The following MECOM variants were observed in gnomAD, a reference collection of about 807,000 sequenced individuals.
The protein encoded by MECOM is histone-lysine N-methyltransferase MECOM.
Under a neutral mutation model 116.3 loss-of-function variants are expected in MECOM, and 13 were observed. That is an observed-to-expected ratio of 0.11 (90% CI 0.07 to 0.18). MECOM has a LOEUF of 0.18. Among genes scored for constraint, MECOM ranks in the 10% least tolerant of loss-of-function variants. The pLI is 1.00. For synonymous variants in MECOM, 528 were observed against 535.2 expected (o/e 0.99, Z 0.19); for missense variants, 1,299 against 1,509.0 (o/e 0.86, Z 2.31).
intron 1 of MECOM, among the ~76,000 whole-genome samples, chr3:169,483,454 CCTT>C (rs1751681702): frequency 7.1e-6 from 1 of 140,436 alleles, no homozygotes; most frequent in Non-Finnish European, 1.5e-5. Context: ...GTCACCCTCT[CCTT>C]CTACTCTGGT....
At chr3:169,612,494 T>C (rs1769411882) in intron 1 of MECOM, among the ~76,000 whole-genome samples, 1 of 152,200 alleles carries the variant, frequency 6.6e-6, no homozygotes, top group African/African-American at 2.4e-5. Flanking sequence ...TTTTTCTTTT[T>C]AACTTAAGGG....
At chr3:169,130,378 G>A (rs991133392) in intron 4 of MECOM, among the ~76,000 whole-genome samples, 3 of 152,072 alleles carry the variant, frequency 2.0e-5, no homozygotes, top group African/African-American at 7.2e-5. Flanking sequence ...ACTCTACCAG[G>A]CTAATTGGGA....
intron 2 of MECOM, among the ~76,000 whole-genome samples, chr3:169,250,814 T>G (rs2149583227): frequency 6.6e-6 from 1 of 152,360 alleles, no homozygotes; most frequent in East Asian, 1.9e-4. Context: ...TACATATCTG[T>G]ACAAAGATTA....
At position 169,276,164 on chromosome 3, in the gene MECOM, T is replaced by G. The variant is rs546521545; in HGVS notation, c.375+105023A>C. On this transcript the variant is annotated intron_variant, in intron 2 of 16. Coordinates refer to ENST00000651503, the MANE Select transcript of MECOM (RefSeq NM_004991.4). ...GAAAGTGGGGGGTAAAAAGATCAGG[T>G]TGGTTAAGTTATGTGCCTAAGGACT... Among the ~76,000 whole-genome samples, 3 of 152,350 alleles carry G rather than the reference T, an allele frequency of 2.0e-5. No individual in the cohort carries two copies. The South Asian group carries it at 6.2e-4, about 32-fold the overall frequency.
At chr3:169,275,748 G>A (rs1759498881) in intron 2 of MECOM, among the ~76,000 whole-genome samples, 1 of 152,106 alleles carries the variant, frequency 6.6e-6, no homozygotes, top group South Asian at 2.1e-4. Flanking sequence ...CAGATTAAAT[G>A]GGTTGGCAAT....
intron 1 of MECOM, among the ~76,000 whole-genome samples, chr3:169,518,190 C>T (rs1380711778): frequency 2.2e-4 from 34 of 151,448 alleles, no homozygotes; most frequent in South Asian, 4.2e-4. Flanking sequence ...ACCCGGGAGG[C>T]GGAGCTTGCA....
At chr3:169,369,342 CTT>C (rs10661629) in intron 2 of MECOM, among the ~76,000 whole-genome samples, 11 of 86,964 alleles carry the variant, frequency 1.3e-4, no homozygotes, top group East Asian at 4.2e-4. Context: ...TGATTGCAGC[CTT>C]TTTTTTTTTT....
chr3:169,384,412 A>C (rs766778132), intron 1 of MECOM, among the ~76,000 whole-genome samples: 3 of 152,172 alleles, frequency 2.0e-5, no homozygotes, highest in Non-Finnish European at 4.4e-5. Flanking sequence ...AGGTCCAAAC[A>C]TACTCAACAA....
intron 2 of MECOM, among the ~76,000 whole-genome samples, chr3:169,202,618 G>C (rs762472656): frequency 3.3e-5 from 5 of 151,904 alleles, no homozygotes; most frequent in Non-Finnish European, 5.9e-5. Flanking sequence ...AATGTACAGA[G>C]AGGCCTTTAC....
intron 2 of MECOM, among the ~76,000 whole-genome samples, chr3:169,154,930 C>G (rs1446881347): frequency 6.6e-6 from 1 of 152,054 alleles, no homozygotes; most frequent in Non-Finnish European, 1.5e-5. Flanking sequence ...ATCCTTCAAC[C>G]CAAATTATCT....
intron 1 of MECOM, among the ~76,000 whole-genome samples, chr3:169,652,004 G>GA (rs1471880156): frequency 1.3e-5 from 2 of 151,846 alleles, no homozygotes; most frequent in African/African-American, 2.4e-5. Context: ...TTTGTAACAA[G>GA]AAAAATATTG....
intron 2 of MECOM, among the ~76,000 whole-genome samples, chr3:169,283,598 C>T (rs983847418): frequency 1.3e-5 from 2 of 152,092 alleles, no homozygotes; most frequent in Non-Finnish European, 2.9e-5. Context: ...ATCTCATCTC[C>T]AGAATTTCTG....
At chr3:169,358,039 GA>G (rs940032577) in intron 2 of MECOM, among the ~76,000 whole-genome samples, 2 of 151,762 alleles carry the variant, frequency 1.3e-5, no homozygotes, top group African/African-American at 4.8e-5. Context: ...AATCCAACTT[GA>G]AAAACAATTT....
At chr3:169,130,855 TAA>T (rs1734465205) in intron 4 of MECOM, among the ~76,000 whole-genome samples, 1 of 152,210 alleles carries the variant, frequency 6.6e-6, no homozygotes, top group East Asian at 1.9e-4. Flanking sequence ...TTATCTGACC[TAA>T]ACATGTATCA....
At chr3:169,508,618 T>C (rs1445620823) in intron 1 of MECOM, among the ~76,000 whole-genome samples, 1 of 152,140 alleles carries the variant, frequency 6.6e-6, no homozygotes, top group Non-Finnish European at 1.5e-5. Context: ...AGTGTGGTAA[T>C]GATAAGAAAC....
intron 2 of MECOM, among the ~76,000 whole-genome samples, chr3:169,259,843 G>A (rs1475301367): frequency 1.3e-5 from 2 of 152,240 alleles, no homozygotes; most frequent in African/African-American, 4.8e-5. Context: ...TGTTGATGTT[G>A]AGTAAGTCTA....
At chr3:169,378,567 AAAGAAAGAAAGAAAGAAAGT>A (rs1456685235) in intron 2 of MECOM, among the ~76,000 whole-genome samples, 2,296 of 136,910 alleles carry the variant, frequency 0.017, 268 homozygotes, top group African/African-American at 0.025. Flanking sequence ...AGAAAGAAAG[AAAGAAAGAAAGAAAGAAAGT>A]AAGTAAGTAA....
At chr3:169,577,936 T>C (rs1216792735) in intron 1 of MECOM, among the ~76,000 whole-genome samples, 1 of 152,140 alleles carries the variant, frequency 6.6e-6, no homozygotes, top group African/African-American at 2.4e-5. Flanking sequence ...TTCAGATTTT[T>C]GGATTATCAG....
rs139726152 is a variant in MECOM at position 169,287,733 on chromosome 3, A to C, written c.375+93454T>G. On this transcript the variant is annotated intron_variant, in intron 2 of 16. Transcript: ENST00000651503. ...TCCTTAAAAGTGAGGCCGTAAAAAAATTGTCAATAAATATGCTTTGGTTTA... is the reference window on the plus strand; with the variant it reads ...TCCTTAAAAGTGAGGCCGTAAAAAACTTGTCAATAAATATGCTTTGGTTTA... 4.4e-3 allele frequency among the ~76,000 whole-genome samples: 667 copies of C among 152,286 alleles called. 3 individuals are homozygous for C. The highest frequency in any genetic ancestry group is 0.015 in the African/African-American group (631 of 41,560).
Sources: gnomAD v4.1 joint callset for allele counts (sites outside exome capture counted in the v4.1 genomes callset) on GRCh38, gnomAD v4.1.1 for gene constraint, MANE v1.5 for transcripts, NCBI Gene and HGNC (gene_info 2026-07-23, HGNC 2026-07-21) for gene names.